The following ASXL2 variants were observed in gnomAD, a reference collection of about 807,000 sequenced individuals.
ASXL2 encodes the protein ASXL transcriptional regulator 2.
Under a neutral mutation model 122.0 loss-of-function variants are expected in ASXL2, and 23 were observed. That is an observed-to-expected ratio of 0.19 (90% confidence interval 0.14 to 0.27). The LOEUF is 0.27. Ranked by LOEUF, ASXL2 falls within the 10% of genes least tolerant of loss-of-function variation. The pLI is 1.00. For missense variants in ASXL2, 1,518 were observed against 1,713.8 expected (o/e 0.89, Z 2.02); for synonymous variants, 650 against 637.0 (o/e 1.02, Z -0.31).
At chr2:25,773,997 T>C (rs1205083213) in intron 5 of ASXL2, among the ~76,000 whole-genome samples, 2 of 151,988 alleles carry the variant, frequency 1.3e-5, no homozygotes, top group African/African-American at 4.8e-5. Context: ...GCCACTGTAC[T>C]CTAGCCTGGG....
chr2:25,743,948 G>A lies in ASXL2; in HGVS notation c.2389C>T (p.His797Tyr). ...GACTSVPSPA[H>Y]IEKLDNEKLN... is the part of the protein sequence containing the mutation. ...TTTTCATTATCCAATTTCTCTATGT[G>A]GGCTGGTGATGGGACACTTGTGCAT... is the stretch of plus-strand genomic sequence containing the variant. Residue 797 changes from histidine (H) to tyrosine (Y), a missense_variant, in exon 13 of 13, where the codon CAC becomes TAC. Around this residue, in one of 8 missense-constraint regions of ASXL2, gnomAD observed 831 missense variants for 833.1 expected, o/e 1.00. Transcript: ENST00000435504. 6.2e-7 allele frequency: 1 copy of A among 1,613,988 alleles called. No individual in the cohort carries two copies. Among genetic ancestry groups the A allele is most frequent in the South Asian group, 1.1e-5 (1 of 91,080 alleles).
Position 25,866,755 on chromosome 2 carries a change from T to TATA in ASXL2, c.57+11410_57+11411insTAT, listed in dbSNP as rs144557993. Among the ~76,000 whole-genome samples the TATA allele has an allele frequency of 4.0e-3, 602 of 152,250 alleles. 7 individuals are homozygous for TATA. Among genetic ancestry groups the TATA allele is most frequent in the African/African-American group, 0.014 (587 of 41,546 alleles). On this transcript the variant is annotated intron_variant, in intron 1 of 12. Transcript: ENST00000435504. ...TTTACTTTTTTAAAAGAATCTGAGATAGAGTCTTGCTCTGTTGCCCAGGCT... is the reference window on the plus strand; with the variant it reads ...TTTACTTTTTTAAAAGAATCTGAGATATAAGAGTCTTGCTCTGTTGCCCAGGCT...
At chr2:25,859,600 C>A (rs2089821002) in intron 1 of ASXL2, among the ~76,000 whole-genome samples, 1 of 152,162 alleles carries the variant, frequency 6.6e-6, no homozygotes, top group African/African-American at 2.4e-5. Flanking sequence ...CCTGTCACTC[C>A]CACTGAATGT....
At chr2:25,873,804 T>C (rs1246270125) in intron 1 of ASXL2, among the ~76,000 whole-genome samples, 1 of 152,012 alleles carries the variant, frequency 6.6e-6, no homozygotes, top group Non-Finnish European at 1.5e-5. Context: ...CTTAAGTGTA[T>C]AATCTCTAAA....
intron 1 of ASXL2, among the ~76,000 whole-genome samples, chr2:25,849,696 G>A (rs901933662): frequency 1.3e-5 from 2 of 151,856 alleles, no homozygotes; most frequent in East Asian, 1.9e-4. Flanking sequence ...GGCCGGTCTC[G>A]AACTGCTGGG....
intron 5 of ASXL2, among the ~76,000 whole-genome samples, chr2:25,796,026 C>T (rs1293226794): frequency 6.6e-6 from 1 of 152,102 alleles, no homozygotes. Flanking sequence ...GTCTGGGTAG[C>T]TCTCTAAGTG....
At chr2:25,781,131 A>C (rs1180701808) in intron 5 of ASXL2, among the ~76,000 whole-genome samples, 5 of 151,906 alleles carry the variant, frequency 3.3e-5, no homozygotes, top group African/African-American at 1.2e-4. Context: ...CATATTTTAC[A>C]TTTATTATAA....
chr2:25,772,980 A>T (rs894466143), intron 5 of ASXL2, among the ~76,000 whole-genome samples: 64 of 150,796 alleles, frequency 4.2e-4, no homozygotes, highest in African/African-American at 1.6e-3. Flanking sequence ...AGGCTGAGGC[A>T]GGCGGATCGA....
intron 3 of ASXL2, among the ~76,000 whole-genome samples, chr2:25,816,082 C>G (rs893812816): frequency 6.6e-6 from 1 of 152,070 alleles, no homozygotes; most frequent in Non-Finnish European, 1.5e-5. Context: ...TCAGAAACAT[C>G]TAAATTTTTC....
intron 3 of ASXL2, among the ~76,000 whole-genome samples, chr2:25,818,600 T>C (rs3914571): frequency 0.36 from 54,030 of 152,150 alleles, 12,379 homozygotes; most frequent in Non-Finnish European, 0.51. Flanking sequence ...TAAATGACTA[T>C]AGCAGAAATA....
intron 1 of ASXL2, 56 bp downstream of exon 1, chr2:25,878,110 C>A (rs1005845918): frequency 1.9e-6 from 3 of 1,603,436 alleles, no homozygotes; most frequent in East Asian, 2.2e-5. Context: ...CTGCGACTGG[C>A]GGGCGACAAG....
chr2:25,789,990 G>C (rs2088807208), intron 5 of ASXL2, among the ~76,000 whole-genome samples: 1 of 151,962 alleles, frequency 6.6e-6, no homozygotes, highest in Non-Finnish European at 1.5e-5. Flanking sequence ...AGGGAGATGG[G>C]GGTTATTTTC....
intron 9 of ASXL2, among the ~76,000 whole-genome samples, chr2:25,758,348 T>A (rs2088176429): frequency 6.6e-6 from 1 of 152,250 alleles, no homozygotes; most frequent in Non-Finnish European, 1.5e-5. Flanking sequence ...TTTTACTGTG[T>A]AAACTAAGGA....
rs776608160 is a variant in ASXL2 at position 25,771,461 on chromosome 2, G to A, written c.483C>T (p.His161=). 1.2e-6 allele frequency: 2 copies of A among 1,613,586 alleles called. No homozygotes were observed. Among genetic ancestry groups the A allele is most frequent in the South Asian group, 1.1e-5 (1 of 91,036 alleles). Residue 161 remains histidine, a synonymous_variant, in exon 6 of 13, where the codon CAC becomes CAT. Transcript: ENST00000435504. Reference sequence around the variant, plus strand: ...TTACCTGCTTTAGTGCCTTCTTGCTGTGCTTCTGTGATGGAGAAATGACTT... The same window carrying A: ...TTACCTGCTTTAGTGCCTTCTTGCTATGCTTCTGTGATGGAGAAATGACTT... ...AGKVISPSQK[H]SKKALKQALK...
rs148225214 is a variant in ASXL2 at position 25,741,365 on chromosome 2, G to A, written c.*664C>T. On this transcript the variant is annotated 3_prime_UTR_variant, in exon 13 of 13. Transcript: ENST00000435504. Reference sequence around the variant, plus strand: ...AGCAGATTGCTTGGCAACAGTACCAGTAACTAGTAACTAGTACAGTAGAAG... The same window carrying A: ...AGCAGATTGCTTGGCAACAGTACCAATAACTAGTAACTAGTACAGTAGAAG... The A allele has an allele frequency of 3.2e-5, 7 of 221,710 alleles. No individual in the cohort carries two copies. Among genetic ancestry groups the A allele is most frequent in the Non-Finnish European group, 6.3e-5 (7 of 110,864 alleles). 13.7% of individuals were successfully genotyped at this position (221,710 alleles called of 1,614,324 possible). A position where few individuals can be genotyped will look rare whatever the true frequency, so the allele number is the denominator to read the frequency against.
At chr2:25,836,999 C>T (rs1442549951) in intron 2 of ASXL2, among the ~76,000 whole-genome samples, 1 of 142,820 alleles carries the variant, frequency 7.0e-6, no homozygotes, top group Non-Finnish European at 1.5e-5. Flanking sequence ...CCTAAAAACT[C>T]TATTTCTCTA....
chr2:25,755,367 T>C (rs192117518), intron 10 of ASXL2, among the ~76,000 whole-genome samples: 2 of 152,188 alleles, frequency 1.3e-5, no homozygotes, highest in Non-Finnish European at 2.9e-5. Flanking sequence ...CTGCTAGTAC[T>C]GACAGATACT....
rs1296569251 is a variant in ASXL2 at position 25,737,074 on chromosome 2, AGT to A, written c.*4953_*4954del. The A allele has an allele frequency of 6.6e-6, 1 of 152,106 alleles. No individual in the cohort carries two copies. Among genetic ancestry groups the A allele is most frequent in the Non-Finnish European group, 1.5e-5 (1 of 68,030 alleles). 9.4% of individuals were successfully genotyped at this position (152,106 alleles called of 1,614,324 possible). On this transcript the variant is annotated 3_prime_UTR_variant, in exon 13 of 13. Coordinates refer to ENST00000435504, the MANE Select transcript of ASXL2 (RefSeq NM_018263.6). ...CTGACCCAGAGGAGTTCAAAATTCA[AGT>A]GTCAAATGCTGAAATAGAACCTAAT...
chr2:25,876,221 A>G (rs1192859678), intron 1 of ASXL2, among the ~76,000 whole-genome samples: 1 of 152,232 alleles, frequency 6.6e-6, no homozygotes, highest in Non-Finnish European at 1.5e-5. Flanking sequence ...TGATCAAAGT[A>G]GTCTTTCCAT....
Sources: allele counts gnomAD v4.1 joint callset (sites outside exome capture counted in the v4.1 genomes callset), GRCh38; gene constraint gnomAD v4.1.1; regional missense constraint gnomAD v4.1.1; transcripts MANE v1.5; gene names NCBI Gene and HGNC (gene_info 2026-07-23, HGNC 2026-07-21).